Variants in LARP4 observed in about 807,000 individuals in gnomAD.
The protein encoded by LARP4 is La ribonucleoprotein 4, also known as la-related protein 4.
Under a neutral mutation model 92.9 loss-of-function variants are expected in LARP4, and 29 were observed. The ratio of observed to expected loss-of-function variants is 0.31; its 90% CI spans 0.23 to 0.43. LARP4 has a LOEUF of 0.43. Ranked by LOEUF, LARP4 falls within the 20% of genes least tolerant of loss-of-function variation. LARP4 has a pLI of 1.00. For missense variants in LARP4, 732 were observed against 860.0 expected (o/e 0.85, Z 1.86); for synonymous variants, 279 against 284.1 (o/e 0.98, Z 0.18).
intron 1 of LARP4, among the ~76,000 whole-genome samples, chr12:50,410,205 T>C (rs557090828): frequency 6.6e-5 from 10 of 152,222 alleles, no homozygotes; most frequent in Middle Eastern, 3.4e-3. Context: ...ATTGAAGTAA[T>C]GGCTTAGTAT....
chr12:50,431,890 G>A (rs1350520609), intron 4 of LARP4, among the ~76,000 whole-genome samples: 3 of 152,104 alleles, frequency 2.0e-5, no homozygotes, highest in Admixed American at 1.3e-4. Flanking sequence ...ACTTTAGCCT[G>A]TACTTTGGGA....
intron 8 of LARP4, among the ~76,000 whole-genome samples, chr12:50,452,208 G>A (rs1953335350): frequency 1.3e-5 from 2 of 152,004 alleles, no homozygotes; most frequent in Admixed American, 1.3e-4. Flanking sequence ...TGGATCATAC[G>A]GTACTTCTAT....
chr12:50,479,041 TTAA>T lies in LARP4; in HGVS notation c.*3179_*3181del, dbSNP rs1382367961. Reference sequence around the variant, plus strand: ...ATAAACAGGTTTGCTTTGGAAAGGCTTAATGATGGAATGTTAGCATCTTCACTA... The same window carrying T: ...ATAAACAGGTTTGCTTTGGAAAGGCTTGATGGAATGTTAGCATCTTCACTA... On this transcript the variant is annotated 3_prime_UTR_variant, in exon 16 of 16. Transcript: ENST00000398473. The T allele has an allele frequency of 1.3e-5, 2 of 152,630 alleles. No individual in the cohort carries two copies. Among genetic ancestry groups the T allele is most frequent in the Non-Finnish European group, 2.9e-5 (2 of 68,008 alleles). 9.5% of individuals were successfully genotyped at this position (152,630 alleles called of 1,614,324 possible).
chr12:50,474,268 A>G (rs1216829895), intron 15 of LARP4, 101 bp downstream of exon 15: 3 of 892,950 alleles, frequency 3.4e-6, no homozygotes, highest in Non-Finnish European at 3.4e-6. Context: ...ATTTGGAAGT[A>G]GCCCAAGTTG....
chr12:50,462,196 C>T (rs1363893445), intron 11 of LARP4, among the ~76,000 whole-genome samples: 3 of 151,540 alleles, frequency 2.0e-5, no homozygotes, highest in Non-Finnish European at 2.9e-5. Context: ...GAAATGTATA[C>T]AGCTGGCCAG....
chr12:50,452,913 T>A (rs1387133840), intron 8 of LARP4, among the ~76,000 whole-genome samples: 3 of 151,584 alleles, frequency 2.0e-5, no homozygotes, highest in Admixed American at 6.6e-5. Context: ...TTACTCTGCT[T>A]GTTGTTGTTG....
intron 5 of LARP4, among the ~76,000 whole-genome samples, chr12:50,436,432 A>G (rs1373993493): frequency 6.6e-6 from 1 of 152,124 alleles, no homozygotes; most frequent in Non-Finnish European, 1.5e-5. Flanking sequence ...TCGTTATCAC[A>G]CAACCTTTAA....
rs1218519982 is a variant in LARP4 at position 50,479,376 on chromosome 12, A to AT, written c.*3518dup. ...AATTATTAACTATAATATATGATGG[A>AT]TTTTTTCCTAATTTTTTATATTTCC... is the stretch of plus-strand genomic sequence containing the variant. On this transcript the variant is annotated 3_prime_UTR_variant, in exon 16 of 16. Coordinates refer to ENST00000398473, the MANE Select transcript of LARP4 (RefSeq NM_052879.5). The AT allele has an allele frequency of 4.6e-5, 7 of 152,048 alleles. 1 individual carries two copies. The highest frequency in any genetic ancestry group is 3.9e-4 in the East Asian group (2 of 5,188). The allele number at this position is 152,048 out of a possible 1,614,324, so 9.4% of individuals were successfully genotyped here.
In LARP4 at chr12:50,429,029, A is replaced by G. The variant is rs1196961326; in HGVS notation, c.261A>G (p.Glu87=). ...CAAGAAATACTACAGGCATTGAAGA[A>G]TCAACTGATGGGATGATTTTAGGAC... ...ETTRNTTGIE[E]STDGMILGPE... is the part of the protein sequence containing the mutation. The change falls in exon 3 of 16, where the codon GAA becomes GAG. Residue 87 remains glutamate, a synonymous_variant. Coordinates refer to ENST00000398473, the MANE Select transcript of LARP4 (RefSeq NM_052879.5). 4 of 1,612,222 alleles carry G rather than the reference A, an allele frequency of 2.5e-6. No individual in the cohort carries two copies. Among genetic ancestry groups the G allele is most frequent in the African/African-American group, 2.7e-5 (2 of 74,902 alleles).
At chr12:50,458,223 G>GCCACTGAGC (rs1263530768) in intron 10 of LARP4, among the ~76,000 whole-genome samples, 7 of 151,940 alleles carry the variant, frequency 4.6e-5, no homozygotes, top group Non-Finnish European at 1.0e-4. Flanking sequence ...ACAGATATGA[G>GCCACTGAGC]CCACTGAGCC....
At position 50,478,870 on chromosome 12, in the gene LARP4, A is replaced by C. The variant is rs1056839008; in HGVS notation, c.*3006A>C. 1.6e-4 allele frequency: 24 copies of C among 152,216 alleles called. No homozygotes were observed. The highest frequency in any genetic ancestry group is 5.5e-4 in the African/African-American group (23 of 41,474). 9.4% of individuals were successfully genotyped at this position (152,216 alleles called of 1,614,324 possible). ...TTTCAGCTGGGTTTTGAGGAATATAAGAGCTTTCAATGATAAAGGTTTGTT... is the reference window on the plus strand; with the variant it reads ...TTTCAGCTGGGTTTTGAGGAATATACGAGCTTTCAATGATAAAGGTTTGTT... On this transcript the variant is annotated 3_prime_UTR_variant, in exon 16 of 16. Coordinates refer to ENST00000398473, the MANE Select transcript of LARP4 (RefSeq NM_052879.5).
In LARP4 at chr12:50,403,091, G is replaced by C. The variant is rs543621454; in HGVS notation, c.18+2063G>C. On this transcript the variant is annotated intron_variant, in intron 1 of 15. Transcript: ENST00000398473. ...TGAGAGAACCAAAGCTCAGAAGTTA[G>C]ATGTCTAAGGTCATTCAAGTGTAAA... 3.9e-5 allele frequency among the ~76,000 whole-genome samples: 6 copies of C among 152,184 alleles called. No homozygotes were observed. The South Asian group carries it at 1.2e-3, about 31-fold the overall frequency.
In LARP4 at chr12:50,474,052, G is replaced by A. The variant is rs1957267406; in HGVS notation, c.1721G>A (p.Gly574Asp). ...LIEDSSVQKD[G>D]LNQTTIPVSP... ...GAAGATTCCTCTGTTCAGAAGGATG[G>A]TCTCAATCAGACAACTATACCAGTT... The change falls in exon 15 of 16, where the codon GGT (glycine) becomes GAT (aspartate). Residue 574 changes from glycine (G) to aspartate (D), a missense_variant. Transcript: ENST00000398473. 2 of 1,612,394 alleles carry A rather than the reference G, an allele frequency of 1.2e-6. No individual in the cohort carries two copies. Among genetic ancestry groups the A allele is most frequent in the African/African-American group, 1.3e-5 (1 of 74,980 alleles).
rs543772916 is a variant in LARP4 at position 50,457,263 on chromosome 12, A to T, written c.1121+2846A>T. Among the ~76,000 whole-genome samples the T allele has an allele frequency of 2.1e-5, 3 of 145,134 alleles. No homozygotes were observed. The South Asian group carries it at 6.7e-4, about 32-fold the overall frequency. The stretch of plus-strand genomic sequence containing the variant: ...CTCTTGTTGTCCAGGCTGGAGTGCA[A>T]TGGCGGGATCTCGGCTCACTGCAAC... On this transcript the variant is annotated intron_variant, in intron 10 of 15. Coordinates refer to ENST00000398473, the MANE Select transcript of LARP4 (RefSeq NM_052879.5).
At chr12:50,458,602 A>T (rs1005458669) in intron 10 of LARP4, among the ~76,000 whole-genome samples, 1 of 152,216 alleles carries the variant, frequency 6.6e-6, no homozygotes, top group Non-Finnish European at 1.5e-5. Flanking sequence ...TTGTTGGTTT[A>T]TAACTATGAA....
At chr12:50,471,575 G>A (rs1328513048) in intron 13 of LARP4, among the ~76,000 whole-genome samples, 1 of 152,204 alleles carries the variant, frequency 6.6e-6, no homozygotes, top group Non-Finnish European at 1.5e-5. Context: ...GCAGGCTGGA[G>A]TGCAGCGGCA....
At chr12:50,462,559 C>A in intron 11 of LARP4, 23 bp from the exon 12 acceptor site, 4 of 1,429,016 alleles carry the variant, frequency 2.8e-6, no homozygotes, top group Non-Finnish European at 3.9e-6. Flanking sequence ...CCCACCCCAC[C>A]CCCACCTTTT....
intron 3 of LARP4, 75 bp downstream of exon 3, chr12:50,429,165 G>A (rs1949260252): frequency 2.0e-6 from 2 of 1,019,704 alleles, no homozygotes; most frequent in African/African-American, 1.6e-5. Flanking sequence ...CTTTATACTT[G>A]TTCTGATAAA....
intron 4 of LARP4, among the ~76,000 whole-genome samples, chr12:50,432,471 C>T (rs1362311254): frequency 6.6e-6 from 1 of 152,134 alleles, no homozygotes; most frequent in Non-Finnish European, 1.5e-5. Flanking sequence ...AGTTTTGTGT[C>T]ACCCTAATCT....
Sources: gnomAD v4.1 joint callset for allele counts (sites outside exome capture counted in the v4.1 genomes callset) on GRCh38, gnomAD v4.1.1 for gene constraint, MANE v1.5 for transcripts, NCBI Gene and HGNC (gene_info 2026-07-23, HGNC 2026-07-21) for gene names.